CCNJL: variants seen among roughly 807,000 people sequenced by gnomAD.
CCNJL encodes the protein cyclin J like, also known as cyclin-J-like protein.
CCNJL carries 33 observed loss-of-function variants against 33.4 expected under a neutral mutation model. That is an observed-to-expected ratio of 0.99 (90% CI 0.75 to 1.32). The LOEUF (loss-of-function observed/expected upper bound fraction) is 1.32. CCNJL is among the 40% of genes most tolerant of loss of function. CCNJL has a pLI of 0.00. For synonymous variants in CCNJL, 227 were observed against 220.9 expected (o/e 1.03, Z -0.24); for missense variants, 512 against 499.7 (o/e 1.02, Z -0.23).
At position 160,255,609 on chromosome 5, in the gene CCNJL, A is replaced by G. The variant is rs1445847542; in HGVS notation, c.683T>C (p.Leu228Pro). Residue 228 changes from leucine (L) to proline (P), a missense_variant, in exon 5 of 6, where the codon CTG (leucine) becomes CCG (proline). Physicochemically the swap from Leu to Pro is moderately conservative, Grantham distance 98 (BLOSUM62 -3). Transcript: ENST00000257536. ...LQLSPYWTRD[L>P]QRISSYSLEH... Reference sequence around the variant, plus strand: ...CAGGGAATAGCTTGAGATCCTCTGCAGGTCTCTGGTCCAGTAGGGAGAAAG... The same window carrying G: ...CAGGGAATAGCTTGAGATCCTCTGCGGGTCTCTGGTCCAGTAGGGAGAAAG... 4 of 1,614,016 alleles carry G rather than the reference A, an allele frequency of 2.5e-6. No homozygotes were observed. The highest frequency in any genetic ancestry group is 4.5e-5 in the East Asian group (2 of 44,892).
At chr5:160,254,846 G>A (rs1487308847) in intron 5 of CCNJL, 1 of 152,958 alleles carries the variant, frequency 6.5e-6, no homozygotes, top group Non-Finnish European at 1.5e-5. Flanking sequence ...AGGCTGTGGC[G>A]CTTAGGGGAG....
At chr5:160,297,896 G>T (rs114136450) in intron 2 of CCNJL, among the ~76,000 whole-genome samples, 2 of 152,068 alleles carry the variant, frequency 1.3e-5, no homozygotes, top group Admixed American at 6.6e-5. Context: ...AAATTCCAGC[G>T]CCAAGTCAAC....
At position 160,328,077 on chromosome 5, in the gene CCNJL, C is replaced by T. The variant is rs199983400; in HGVS notation, n.206+11368G>A. ...AGAGGGAACAGCTGGTACAGAGGCT[C>T]ACGCAGGAGTGCGCGTGGCATGTTA... On this transcript the variant is annotated intron_variant and non_coding_transcript_variant, in intron 1 of 7. Coordinates refer to the CCNJL transcript ENST00000377503. Among the ~76,000 whole-genome samples the T allele has an allele frequency of 3.2e-3, 486 of 152,224 alleles. 2 individuals carry two copies. The highest frequency in any genetic ancestry group is 6.3e-3 in the Non-Finnish European group (431 of 68,024).
chr5:160,278,461 G>A (rs932469420), intron 3 of CCNJL, among the ~76,000 whole-genome samples: 2 of 152,194 alleles, frequency 1.3e-5, no homozygotes, highest in African/African-American at 4.8e-5. Flanking sequence ...GGCCTGGGGA[G>A]AGGGGAGGAG....
At chr5:160,299,047 C>T (rs1762840768) in intron 2 of CCNJL, among the ~76,000 whole-genome samples, 2 of 152,094 alleles carry the variant, frequency 1.3e-5, no homozygotes, top group South Asian at 2.1e-4. Context: ...GGCATAAACA[C>T]GGCTCACTGC....
intron 4 of CCNJL, among the ~76,000 whole-genome samples, chr5:160,256,844 G>A (rs551085422): frequency 6.6e-6 from 1 of 151,946 alleles, no homozygotes; most frequent in South Asian, 2.1e-4. Flanking sequence ...CTTGAACCCG[G>A]GAGGTGGAGG....
At chr5:160,338,514 G>A (rs1159294185) in intron 1 of CCNJL, among the ~76,000 whole-genome samples, 4 of 152,032 alleles carry the variant, frequency 2.6e-5, no homozygotes, top group Middle Eastern at 3.4e-3. Context: ...AATAAAGCCT[G>A]TTTCCTCCAA....
intron 2 of CCNJL, among the ~76,000 whole-genome samples, chr5:160,284,396 A>G (rs1290473842): frequency 6.6e-6 from 1 of 152,008 alleles, no homozygotes; most frequent in African/African-American, 2.4e-5. Flanking sequence ...TGATATGTGA[A>G]TTGTTATATC....
intron 1 of CCNJL, 121 bp from the exon 2 acceptor site, chr5:160,312,093 G>A: frequency 3.2e-6 from 2 of 632,880 alleles, no homozygotes; most frequent in South Asian, 1.9e-5. Flanking sequence ...GCGCCGCTCA[G>A]AGGAGCTGGA....
At chr5:160,274,207 C>T (rs1389453771) in intron 3 of CCNJL, among the ~76,000 whole-genome samples, 1 of 151,804 alleles carries the variant, frequency 6.6e-6, no homozygotes, top group Non-Finnish European at 1.5e-5. Flanking sequence ...GTTTGTAATC[C>T]CAGCACTTTG....
intron 2 of CCNJL, among the ~76,000 whole-genome samples, chr5:160,282,966 A>AATATCTATATACATATATATATAT (rs1762262543): frequency 2.3e-5 from 1 of 43,394 alleles, no homozygotes; most frequent in Non-Finnish European, 4.7e-5. Context: ...CAGTCCTTGG[A>AATATCTATATACATATATATATAT]ATATATATAT....
At chr5:160,255,422 G>C (rs1580940519) in intron 5 of CCNJL, 127 bp downstream of exon 5, 1 of 815,346 alleles carries the variant, frequency 1.2e-6, no homozygotes, top group East Asian at 2.5e-5. Context: ...CACTTTCCCT[G>C]AGACCCTGTA....
intron 2 of CCNJL, among the ~76,000 whole-genome samples, chr5:160,281,689 TAC>T (rs1762220989): frequency 6.6e-6 from 1 of 152,140 alleles, no homozygotes; most frequent in African/African-American, 2.4e-5. Flanking sequence ...CTCCCCCTCT[TAC>T]CCAGGCTGGA....
chr5:160,268,601 A>T (rs1297928337), intron 3 of CCNJL, among the ~76,000 whole-genome samples: 3 of 152,182 alleles, frequency 2.0e-5, no homozygotes, highest in African/African-American at 7.2e-5. Flanking sequence ...AAAACCCTTC[A>T]TCTGTAAGAG....
intron 5 of CCNJL, chr5:160,255,267 C>T (rs1038159966): frequency 2.0e-5 from 4 of 202,358 alleles, no homozygotes. Flanking sequence ...GAGCCGAGAT[C>T]GTGCCATTGC....
chr5:160,339,141 C>T (rs1763718744), intron 1 of CCNJL, among the ~76,000 whole-genome samples: 1 of 152,128 alleles, frequency 6.6e-6, no homozygotes, highest in Non-Finnish European at 1.5e-5. Flanking sequence ...CAGTGCCATG[C>T]TCTAGCCTAG....
chr5:160,255,433 G>T, intron 5 of CCNJL, 116 bp downstream of exon 5: 1 of 917,188 alleles, frequency 1.1e-6, no homozygotes, highest in Non-Finnish European at 1.7e-6. Flanking sequence ...AGACCCTGTA[G>T]CTGGAAGAAC....
intron 3 of CCNJL, among the ~76,000 whole-genome samples, chr5:160,260,637 C>T (rs1243966794): frequency 6.6e-6 from 1 of 152,144 alleles, no homozygotes; most frequent in Non-Finnish European, 1.5e-5. Flanking sequence ...GGCATGACAG[C>T]TTCCACTGCG....
At chr5:160,301,752 AAC>A (rs1762930015) in intron 2 of CCNJL, among the ~76,000 whole-genome samples, 1 of 110,834 alleles carries the variant, frequency 9.0e-6, no homozygotes. Flanking sequence ...TTTTTTTTGA[AAC>A]AGTCTCTCTT....
Sources: gnomAD v4.1 joint callset for allele counts (sites outside exome capture counted in the v4.1 genomes callset) on GRCh38, gnomAD v4.1.1 for gene constraint, MANE v1.5 for transcripts, NCBI Gene and HGNC (gene_info 2026-07-23, HGNC 2026-07-21) for gene names.